The following FHAD1 variants were observed in gnomAD, a reference collection of about 807,000 sequenced individuals.
The protein encoded by FHAD1 is forkhead associated phosphopeptide binding domain 1, also known as forkhead-associated domain-containing protein 1.
In FHAD1, 146 loss-of-function variants were observed where a neutral mutation model predicts 191.3. That is an observed-to-expected ratio of 0.76 (90% CI 0.67 to 0.88). FHAD1 has a LOEUF of 0.88. FHAD1 is among the 40% of genes least tolerant of loss of function. The pLI, the probability that FHAD1 is intolerant of heterozygous loss-of-function variation, is 0.00. For synonymous variants in FHAD1, 616 were observed against 672.3 expected, an observed-to-expected ratio of 0.92 and a Z score of 1.29; for missense variants, 1,635 against 1,785.8, an observed-to-expected ratio of 0.92 and a Z score of 1.52.
intron 4 of FHAD1, among the ~76,000 whole-genome samples, chr1:15,295,852 A>G (rs1273016415): frequency 1.3e-5 from 2 of 152,230 alleles, no homozygotes; most frequent in Admixed American, 6.5e-5. Flanking sequence ...AAGCAGCCAT[A>G]GATGATACAT....
At chr1:15,291,607 A>G (rs765666776) in intron 4 of FHAD1, among the ~76,000 whole-genome samples, 14 of 152,196 alleles carry the variant, frequency 9.2e-5, no homozygotes, top group Non-Finnish European at 1.5e-4. Flanking sequence ...TTACCCTAAC[A>G]TATAGCACCC....
chr1:15,273,423 G>A (rs906605961), intron 3 of FHAD1, among the ~76,000 whole-genome samples: 2 of 152,168 alleles, frequency 1.3e-5, no homozygotes, highest in African/African-American at 4.8e-5. Flanking sequence ...GGATATACCT[G>A]TGAAGCCATT....
intron 3 of FHAD1, among the ~76,000 whole-genome samples, chr1:15,275,658 C>T (rs1016327916): frequency 1.3e-4 from 20 of 152,140 alleles, no homozygotes; most frequent in South Asian, 6.2e-4. Context: ...GCCTGATGAC[C>T]TCGACCTGTG....
intron 28 of FHAD1, among the ~76,000 whole-genome samples, chr1:15,376,093 T>TTTTA (rs745342443): frequency 3.1e-5 from 4 of 128,524 alleles, no homozygotes; most frequent in African/African-American, 1.3e-4. Context: ...TTATTTATTT[T>TTTTA]TTTATTTATT....
At chr1:15,271,740 G>A (rs1190517027) in intron 2 of FHAD1, among the ~76,000 whole-genome samples, 1 of 152,092 alleles carries the variant, frequency 6.6e-6, no homozygotes, top group South Asian at 2.1e-4. Flanking sequence ...GAAAAAAAAC[G>A]TGGAAGGATG....
chr1:15,383,452 C>CAA (rs1701383073), intron 31 of FHAD1: 1 of 349,708 alleles, frequency 2.9e-6, no homozygotes. Context: ...AAAGTTTCCC[C>CAA]AAAGCAAGTC....
intron 14 of FHAD1, chr1:15,335,362 A>C (rs766729092): frequency 6.6e-6 from 1 of 152,174 alleles, no homozygotes; most frequent in Non-Finnish European, 1.5e-5. Flanking sequence ...TTTCTGCAAG[A>C]CTTTGTTACA....
intron 14 of FHAD1, among the ~76,000 whole-genome samples, chr1:15,338,880 C>T (rs921726746): frequency 6.6e-6 from 1 of 152,122 alleles, no homozygotes; most frequent in Non-Finnish European, 1.5e-5. Context: ...GAGGTCTTGG[C>T]TTTAGACCAT....
intron 2 of FHAD1, among the ~76,000 whole-genome samples, chr1:15,260,265 C>T (rs944737190): frequency 2.6e-5 from 4 of 152,202 alleles, no homozygotes; most frequent in Non-Finnish European, 5.9e-5. Context: ...CCATTCTCGG[C>T]TGCAACTTCT....
intron 5 of FHAD1, among the ~76,000 whole-genome samples, chr1:15,300,852 A>G (rs548898933): frequency 5.9e-5 from 9 of 151,888 alleles, no homozygotes; most frequent in Non-Finnish European, 1.0e-4. Flanking sequence ...TTTTTTTGAG[A>G]CAGTTTTGCT....
At chr1:15,320,348 A>G (rs1349888387) in intron 10 of FHAD1, among the ~76,000 whole-genome samples, 17 of 152,242 alleles carry the variant, frequency 1.1e-4, no homozygotes, top group Non-Finnish European at 2.9e-5. Flanking sequence ...TATTCTGTAT[A>G]TGGACATTAA....
intron 19 of FHAD1, among the ~76,000 whole-genome samples, chr1:15,350,156 A>T (rs1301764382): frequency 6.6e-6 from 1 of 152,192 alleles, no homozygotes; most frequent in Non-Finnish European, 1.5e-5. Flanking sequence ...TTTCAGTTTC[A>T]TTCATCCACC....
chr1:15,397,020 TA>T (rs5772637), intron 33 of FHAD1, among the ~76,000 whole-genome samples: 59,590 of 115,862 alleles, frequency 0.51, 14,619 homozygotes, highest in African/African-American at 0.61. Flanking sequence ...CCGTCTCTAC[TA>T]AAAAAAAAAA....
chr1:15,252,500 G>A (rs1198215255), intron 2 of FHAD1, among the ~76,000 whole-genome samples: 1 of 152,196 alleles, frequency 6.6e-6, no homozygotes, highest in Non-Finnish European at 1.5e-5. Flanking sequence ...CTGATTGAAA[G>A]TTGCTTTCAC....
chr1:15,314,572 G>A (rs2101235394), intron 8 of FHAD1: 1 of 152,262 alleles, frequency 6.6e-6, no homozygotes, highest in South Asian at 2.1e-4. Context: ...GTCACCGCCT[G>A]GATTACATGT....
At chr1:15,281,242 G>C (rs774190395) in intron 3 of FHAD1, among the ~76,000 whole-genome samples, 1 of 152,228 alleles carries the variant, frequency 6.6e-6, no homozygotes, top group South Asian at 2.1e-4. Context: ...CTCTCTGCTG[G>C]GATCAGTGTG....
rs1703971648 is a variant in FHAD1 at position 15,391,273 on chromosome 1, A to G, written c.4323+10A>G. ...GAACTCAAATTCCCAGGTGAGCAGAAAGAGCATCCTTTAGAATTCTCTTTT... is the reference window on the plus strand; with the variant it reads ...GAACTCAAATTCCCAGGTGAGCAGAGAGAGCATCCTTTAGAATTCTCTTTT... On this transcript the variant is annotated intron_variant, in intron 33 of 33. Transcript: ENST00000688493. 5.5e-6 allele frequency: 7 copies of G among 1,283,966 alleles called. 1 individual carries two copies. The highest frequency in any genetic ancestry group is 4.6e-5 in the African/African-American group (3 of 65,660). The allele number at this position is 1,283,966 out of a possible 1,614,324, so 79.5% of individuals were successfully genotyped here.
chr1:15,370,687 A>G (rs876295), intron 26 of FHAD1, among the ~76,000 whole-genome samples: 57,157 of 152,064 alleles, frequency 0.38, 12,050 homozygotes, highest in African/African-American at 0.57. Context: ...CCCTGGAAGC[A>G]GGTGCTCACA....
intron 21 of FHAD1, 105 bp from the exon 22 acceptor site, chr1:15,360,372 TG>T: frequency 2.1e-6 from 2 of 962,924 alleles, no homozygotes; most frequent in Non-Finnish European, 3.1e-6. Flanking sequence ...GCTAAGGCCC[TG>T]GGGTGGGGCC....
Sources: allele counts gnomAD v4.1 joint callset (sites outside exome capture counted in the v4.1 genomes callset), GRCh38; gene constraint gnomAD v4.1.1; transcripts MANE v1.5; gene names NCBI Gene and HGNC (gene_info 2026-07-23, HGNC 2026-07-21).